The following RPP30 variants were observed in gnomAD, a reference collection of about 807,000 sequenced individuals.
RPP30 encodes the protein ribonuclease P/MRP subunit p30.
In RPP30, 36 loss-of-function variants were observed where a neutral mutation model predicts 38.6. That is an observed-to-expected ratio of 0.93 (90% CI 0.71 to 1.23). RPP30 has a LOEUF of 1.23. RPP30 is among the 50% of genes most tolerant of loss of function. RPP30 has a pLI of 0.00. For missense variants in RPP30, 321 were observed against 321.7 expected, an observed-to-expected ratio of 1.00 and a Z score of 0.02; for synonymous variants, 126 against 112.7, an observed-to-expected ratio of 1.12 and a Z score of -0.75.
downstream of RPP30, among the ~76,000 whole-genome samples, chr10:90,908,019 G>A (rs889846259): frequency 5.3e-5 from 8 of 152,148 alleles, no homozygotes; most frequent in Admixed American, 2.0e-4. Context: ...AAACTTGTAC[G>A]ACATGTCACT....
downstream of RPP30, among the ~76,000 whole-genome samples, chr10:90,906,971 T>C (rs1847260826): frequency 6.6e-6 from 1 of 152,226 alleles, no homozygotes; most frequent in Admixed American, 6.5e-5. Flanking sequence ...AACGTGTTTA[T>C]CTTTTCCATT....
chr10:90,887,118 C>A lies in RPP30; in HGVS notation c.432+1217C>A, dbSNP rs370028157. On this transcript the variant is annotated intron_variant, in intron 6 of 10. Coordinates refer to ENST00000371703, the MANE Select transcript of RPP30 (RefSeq NM_006413.5). ...GAGCAATTGGGACTACAGGTGCATG[C>A]CACCACACCTGGCTAATTTTTTTAT... 1.1e-4 allele frequency among the ~76,000 whole-genome samples: 17 copies of A among 151,970 alleles called. No homozygotes were observed. In the East Asian group the frequency reaches 2.3e-3, roughly 21 times the overall value.
At chr10:90,903,109 AG>A, downstream of RPP30, 1 of 751,692 alleles carries the variant, frequency 1.3e-6, no homozygotes, top group East Asian at 2.5e-5. Flanking sequence ...AGATATGAGA[AG>A]GATAACAAAT....
chr10:90,902,144 G>A lies in RPP30; in HGVS notation c.*1465G>A. Reference sequence around the variant, plus strand: ...GAGAAAGCTTTATAACCTCACCAATGAATACAAATGTTTAAATAAAATATT... The same window carrying A: ...GAGAAAGCTTTATAACCTCACCAATAAATACAAATGTTTAAATAAAATATT... On this transcript the variant is annotated 3_prime_UTR_variant, in exon 11 of 11. Transcript: ENST00000371703. 1.0e-6 allele frequency: 1 copy of A among 988,328 alleles called. No individual in the cohort carries two copies. The highest frequency in any genetic ancestry group is 1.2e-6 in the Non-Finnish European group (1 of 829,506). The allele number at this position is 988,328 out of a possible 1,614,324, so 61.2% of individuals were successfully genotyped here.
intron 3 of RPP30, among the ~76,000 whole-genome samples, 191 bp from the exon 4 acceptor site, chr10:90,875,833 G>A (rs191198106): frequency 1.3e-5 from 2 of 152,116 alleles, no homozygotes; most frequent in African/African-American, 2.4e-5. Context: ...AAATTATCTC[G>A]TTATGTAGTT....
intron 2 of RPP30, 129 bp downstream of exon 2, chr10:90,875,053 AT>A (rs1458603715): frequency 1.9e-6 from 1 of 514,110 alleles, no homozygotes; most frequent in African/African-American, 2.0e-5. Flanking sequence ...CTACTTTTCT[AT>A]TTTATATAGA....
At chr10:90,903,828 A>C (rs530602609), downstream of RPP30, among the ~76,000 whole-genome samples, 1 of 152,362 alleles carries the variant, frequency 6.6e-6, no homozygotes, top group Non-Finnish European at 1.5e-5. Context: ...TCACAAAGAC[A>C]TAAATTACCA....
intron 2 of RPP30, among the ~76,000 whole-genome samples, 154 bp downstream of exon 2, chr10:90,875,078 A>T (rs569490349): frequency 7.2e-5 from 11 of 152,194 alleles, no homozygotes; most frequent in African/African-American, 2.7e-4. Context: ...AGTCGAGCTG[A>T]TGCATATTTA....
Position 90,873,783 on chromosome 10 carries a change from G to T in RPP30, c.83-1086G>T, listed in dbSNP as rs1382177992. ...GTTGATTTGACTAACTGGGTGCAAG[G>T]TGAAGCCCAAGGTACAGGCATACTT... On this transcript the variant is annotated intron_variant, in intron 1 of 10. Transcript: ENST00000371703. 2.0e-5 allele frequency among the ~76,000 whole-genome samples: 3 copies of T among 152,138 alleles called. No individual in the cohort carries two copies. The East Asian group carries it at 5.8e-4, about 29-fold the overall frequency.
intron 7 of RPP30, 140 bp from the exon 8 acceptor site, chr10:90,895,314 C>T (rs1285259172): frequency 1.1e-5 from 6 of 541,908 alleles, no homozygotes; most frequent in Middle Eastern, 5.1e-4. Flanking sequence ...ATTTTTTTCA[C>T]CTTAATTATT....
intron 3 of RPP30, 68 bp from the exon 4 acceptor site, chr10:90,875,956 C>A: frequency 2.2e-6 from 2 of 902,310 alleles, no homozygotes; most frequent in Non-Finnish European, 3.7e-6. Context: ...TGAATACTTT[C>A]CACTGGTAAA....
At chr10:90,903,351 C>T (rs7089472), downstream of RPP30, 327,786 of 855,952 alleles carry the variant, frequency 0.38, 69,718 homozygotes, top group African/African-American at 0.83. Flanking sequence ...TTTTTTGCGA[C>T]GTCCCACCTT....
chr10:90,878,213 C>G (rs1313401286), intron 4 of RPP30, among the ~76,000 whole-genome samples: 4 of 152,234 alleles, frequency 2.6e-5, no homozygotes, highest in Non-Finnish European at 2.9e-5. Flanking sequence ...AGACCTGGAC[C>G]CTGCCCTGCC....
intron 6 of RPP30, among the ~76,000 whole-genome samples, chr10:90,887,364 CAT>C (rs979358173): frequency 7.2e-5 from 11 of 151,764 alleles, no homozygotes; most frequent in Admixed American, 7.2e-4. Flanking sequence ...AAGGGAAAAA[CAT>C]AAAAGCTCTT....
chr10:90,877,175 G>A (rs1301993912), intron 4 of RPP30, among the ~76,000 whole-genome samples: 1 of 152,158 alleles, frequency 6.6e-6, no homozygotes, highest in Non-Finnish European at 1.5e-5. Context: ...AGCAGGCCGT[G>A]CTGGCGGGTA....
downstream of RPP30, among the ~76,000 whole-genome samples, chr10:90,902,613 CATTT>C (rs1211108797): frequency 1.3e-5 from 2 of 152,132 alleles, no homozygotes; most frequent in African/African-American, 4.8e-5. Flanking sequence ...GCCAGAAAGA[CATTT>C]AATAAAGTTA....
chr10:90,884,175 T>A (rs1262731387), intron 5 of RPP30, among the ~76,000 whole-genome samples: 2 of 152,216 alleles, frequency 1.3e-5, no homozygotes, highest in Non-Finnish European at 2.9e-5. Flanking sequence ...ATTGTACTAA[T>A]GTCCCCTGAG....
At chr10:90,883,257 GTT>G (rs1846956178) in intron 5 of RPP30, among the ~76,000 whole-genome samples, 1 of 137,806 alleles carries the variant, frequency 7.3e-6, no homozygotes, top group Non-Finnish European at 1.6e-5. Flanking sequence ...ATGGGAATAC[GTT>G]TTCTTTAAAT....
intron 2 of RPP30, among the ~76,000 whole-genome samples, 198 bp from the exon 3 acceptor site, chr10:90,875,360 A>G (rs1414198820): frequency 6.6e-6 from 1 of 152,020 alleles, no homozygotes; most frequent in Non-Finnish European, 1.5e-5. Context: ...CTTCCTATTC[A>G]CTGATGTTTA....
Sources: allele counts gnomAD v4.1 joint callset (sites outside exome capture counted in the v4.1 genomes callset), GRCh38; gene constraint gnomAD v4.1.1; transcripts MANE v1.5; gene names NCBI Gene and HGNC (gene_info 2026-07-23, HGNC 2026-07-21).